SLC2A13: variants seen among roughly 807,000 people sequenced by gnomAD.
SLC2A13 encodes proton myo-inositol cotransporter.
A neutral mutation model predicts 64.4 loss-of-function variants in SLC2A13; 32 were observed. The ratio of observed to expected loss-of-function variants is 0.50; its 90% confidence interval spans 0.37 to 0.67. The LOEUF is 0.67. Ranked by LOEUF, SLC2A13 falls within the 30% of genes least tolerant of loss-of-function variation. The pLI is 0.00. For missense variants in SLC2A13, 743 were observed against 829.2 expected (o/e 0.90, Z 1.28); for synonymous variants, 338 against 327.1 (o/e 1.03, Z -0.36).
At chr12:39,854,478 C>T (rs1331761438) in intron 6 of SLC2A13, among the ~76,000 whole-genome samples, 3 of 152,174 alleles carry the variant, frequency 2.0e-5, no homozygotes, top group Non-Finnish European at 4.4e-5. Flanking sequence ...TGCCCAAACG[C>T]CTTTTCCCTC....
chr12:39,994,538 G>T (rs764135918), intron 3 of SLC2A13, among the ~76,000 whole-genome samples: 3 of 151,708 alleles, frequency 2.0e-5, no homozygotes, highest in Non-Finnish European at 4.4e-5. Context: ...GAAAGGCAAA[G>T]AACTCGAAAC....
chr12:40,058,565 T>A (rs890696344), intron 1 of SLC2A13, among the ~76,000 whole-genome samples: 1 of 152,196 alleles, frequency 6.6e-6, no homozygotes, highest in Non-Finnish European at 1.5e-5. Flanking sequence ...GGAACGTCAT[T>A]TGATTCTCTT....
At chr12:40,016,210 T>G (rs1275776494) in intron 3 of SLC2A13, among the ~76,000 whole-genome samples, 1 of 152,084 alleles carries the variant, frequency 6.6e-6, no homozygotes, top group Non-Finnish European at 1.5e-5. Context: ...AAAAAAAAAC[T>G]ACTCTTGAAA....
intron 4 of SLC2A13, among the ~76,000 whole-genome samples, chr12:39,902,012 A>AT (rs1592266786): frequency 1.3e-5 from 2 of 152,224 alleles, no homozygotes; most frequent in Admixed American, 6.5e-5. Flanking sequence ...CTATGCAGCC[A>AT]GAAAAAAGGA....
At chr12:39,861,074 TG>T (rs1313865989) in intron 6 of SLC2A13, among the ~76,000 whole-genome samples, 5 of 152,220 alleles carry the variant, frequency 3.3e-5, no homozygotes, top group African/African-American at 1.2e-4. Flanking sequence ...TCCTTGCACT[TG>T]CCACGTTCCT....
At position 39,972,009 on chromosome 12, in the gene SLC2A13, T is replaced by C. The variant is rs56824099; in HGVS notation, c.926-20644A>G. Reference sequence around the variant, plus strand: ...AAAAAAAAAAAAAAATATATATATATATATATTTTTTTTTATATAAATATA... The same window carrying C: ...AAAAAAAAAAAAAAATATATATATACATATATTTTTTTTTATATAAATATA... On this transcript the variant is annotated intron_variant, in intron 3 of 9. Coordinates refer to ENST00000280871, the MANE Select transcript of SLC2A13 (RefSeq NM_052885.4). Among the ~76,000 whole-genome samples the C allele has an allele frequency of 1.9e-3, 119 of 63,510 alleles. 3 individuals carry two copies. Among genetic ancestry groups the C allele is most frequent in the East Asian group, 5.5e-3 (14 of 2,562 alleles). 41.7% of individuals were successfully genotyped at this position (63,510 alleles called of 152,430 possible).
chr12:40,068,389 A>G (rs2136264587), intron 1 of SLC2A13: 1 of 326,152 alleles, frequency 3.1e-6, no homozygotes, highest in South Asian at 2.5e-5. Context: ...ACACCAGTTT[A>G]GGCCAACATG....
intron 4 of SLC2A13, among the ~76,000 whole-genome samples, chr12:39,897,073 G>A (rs923760181): frequency 6.6e-6 from 1 of 152,146 alleles, no homozygotes; most frequent in South Asian, 2.1e-4. Flanking sequence ...GAACAAACTA[G>A]TTGATGGTTA....
intron 4 of SLC2A13, among the ~76,000 whole-genome samples, chr12:39,882,529 T>A (rs1410540172): frequency 6.6e-6 from 1 of 152,224 alleles, no homozygotes; most frequent in Non-Finnish European, 1.5e-5. Context: ...TCACTTGAAA[T>A]TTCCGAAGAT....
intron 7 of SLC2A13, among the ~76,000 whole-genome samples, chr12:39,794,181 A>G (rs796542984): frequency 5.3e-5 from 8 of 151,066 alleles, no homozygotes; most frequent in African/African-American, 1.9e-4. Context: ...GCAAAATTGC[A>G]AGAGTTGCCT....
chr12:40,067,080 C>T (rs1270673896), intron 1 of SLC2A13, among the ~76,000 whole-genome samples: 1 of 152,188 alleles, frequency 6.6e-6, no homozygotes, highest in East Asian at 1.9e-4. Context: ...GGGAAAATGA[C>T]TTACCTGGTT....
At chr12:39,833,818 T>C (rs1054477471) in intron 6 of SLC2A13, among the ~76,000 whole-genome samples, 1 of 150,978 alleles carries the variant, frequency 6.6e-6, no homozygotes, top group Non-Finnish European at 1.5e-5. Context: ...GCTCAGAACA[T>C]GCTGCTCCAT....
At chr12:39,938,167 T>C (rs568445615) in intron 4 of SLC2A13, among the ~76,000 whole-genome samples, 1 of 152,260 alleles carries the variant, frequency 6.6e-6, no homozygotes, top group African/African-American at 2.4e-5. Context: ...ACAGATGTAG[T>C]TGCTCCCATG....
chr12:39,993,230 T>C (rs1947170078), intron 3 of SLC2A13, among the ~76,000 whole-genome samples: 1 of 152,226 alleles, frequency 6.6e-6, no homozygotes, highest in Admixed American at 6.5e-5. Flanking sequence ...TAGCAATGAC[T>C]ATTCAAGAAA....
At chr12:39,776,865 C>G (rs1047517556) in intron 7 of SLC2A13, among the ~76,000 whole-genome samples, 1 of 152,126 alleles carries the variant, frequency 6.6e-6, no homozygotes, top group African/African-American at 2.4e-5. Flanking sequence ...TAAGACAGTA[C>G]TGATCCTGAT....
chr12:39,855,754 A>G (rs951113312), intron 6 of SLC2A13, among the ~76,000 whole-genome samples: 5 of 152,168 alleles, frequency 3.3e-5, no homozygotes, highest in Non-Finnish European at 7.3e-5. Flanking sequence ...AGCTACTAAA[A>G]CCAGGTTGTT....
chr12:39,796,160 CTAACA>C (rs1941567118), intron 7 of SLC2A13, among the ~76,000 whole-genome samples: 2 of 152,224 alleles, frequency 1.3e-5, no homozygotes, highest in South Asian at 4.1e-4. Flanking sequence ...GGTACTAGAC[CTAACA>C]TGTTTCCAAG....
intron 1 of SLC2A13, among the ~76,000 whole-genome samples, chr12:40,075,252 A>T (rs111573882): frequency 6.6e-6 from 1 of 152,190 alleles, no homozygotes; most frequent in African/African-American, 2.4e-5. Context: ...TGGAGTTTTT[A>T]AAATCTAAGA....
chr12:39,885,894 G>C (rs1944453570), intron 4 of SLC2A13, among the ~76,000 whole-genome samples: 1 of 152,034 alleles, frequency 6.6e-6, no homozygotes, highest in Non-Finnish European at 1.5e-5. Flanking sequence ...AACGTATTTG[G>C]TTCAACAACA....
Sources: allele counts gnomAD v4.1 joint callset (sites outside exome capture counted in the v4.1 genomes callset), GRCh38; gene constraint gnomAD v4.1.1; transcripts MANE v1.5; gene names NCBI Gene and HGNC (gene_info 2026-07-23, HGNC 2026-07-21).